GSE1: variants seen among roughly 807,000 people sequenced by gnomAD.
GSE1 encodes the protein genetic suppressor element 1.
GSE1 carries 32 observed loss-of-function variants against 112.6 expected under a neutral mutation model. That is an observed-to-expected ratio of 0.28 (90% CI 0.21 to 0.38). GSE1 has a LOEUF of 0.38. Among genes scored for constraint, GSE1 ranks in the 10% least tolerant of loss-of-function variants. The pLI is 1.00. For missense variants in GSE1, 2,348 were observed against 1,699.2 expected, an observed-to-expected ratio of 1.38 and a Z score of -6.71; for synonymous variants, 1,115 against 735.6, an observed-to-expected ratio of 1.52 and a Z score of -8.35.
chr16:85,533,138 C>T (rs1161276123), intron 2 of GSE1, among the ~76,000 whole-genome samples: 1 of 152,002 alleles, frequency 6.6e-6, no homozygotes, highest in Non-Finnish European at 1.5e-5. Flanking sequence ...TTTGGCCGGG[C>T]GTGGTGGCTC....
upstream of GSE1, chr16:85,554,846 G>T (rs943203616): frequency 3.0e-5 from 30 of 984,004 alleles, no homozygotes; most frequent in South Asian, 9.4e-5. Context: ...GCAGCCGGAG[G>T]GGGGGCCAGC....
At chr16:85,452,915 G>T (rs1042992651) in intron 2 of GSE1, among the ~76,000 whole-genome samples, 3 of 152,156 alleles carry the variant, frequency 2.0e-5, no homozygotes, top group Non-Finnish European at 4.4e-5. Context: ...GTCGCTCGGT[G>T]CCTCCAACCC....
chr16:85,254,482 C>G (rs909044143), intron 1 of GSE1, among the ~76,000 whole-genome samples: 1 of 152,202 alleles, frequency 6.6e-6, no homozygotes, highest in Non-Finnish European at 1.5e-5. Context: ...ATGACCCCCC[C>G]ACTCGGAGAG....
chr16:85,489,305 T>C (rs1361860749), intron 2 of GSE1, among the ~76,000 whole-genome samples: 2 of 151,892 alleles, frequency 1.3e-5, no homozygotes, highest in African/African-American at 4.8e-5. Context: ...GTGAGAATTT[T>C]CTGAGCAACG....
chr16:85,246,492 CT>C (rs1905827700), intron 1 of GSE1, among the ~76,000 whole-genome samples: 8 of 93,056 alleles, frequency 8.6e-5, no homozygotes, highest in Non-Finnish European at 1.2e-4. Flanking sequence ...CACACACACA[CT>C]CTACACACCC....
intron 13 of GSE1, among the ~76,000 whole-genome samples, chr16:85,667,679 C>T (rs1306819832): frequency 3.9e-5 from 6 of 152,148 alleles, no homozygotes; most frequent in African/African-American, 7.2e-5. Flanking sequence ...GCCAACATGG[C>T]GAAACCCTGT....
rs531301612 is a variant in GSE1 at position 85,556,195 on chromosome 16, C to A, written c.-132C>A. On this transcript the variant is annotated 5_prime_UTR_variant, in exon 1 of 3. Transcript: ENST00000635906. ...TTTCGTCGCTCTCGGGATCGCTCTTCTGCCTTTATTTTATTGTTTTGGACA... is the reference window on the plus strand; with the variant it reads ...TTTCGTCGCTCTCGGGATCGCTCTTATGCCTTTATTTTATTGTTTTGGACA... 4.0e-3 allele frequency: 3,914 copies of A among 982,144 alleles called. 10 individuals are homozygous for A. The highest frequency in any genetic ancestry group is 4.5e-3 in the Non-Finnish European group (3,712 of 827,824). 60.8% of individuals were successfully genotyped at this position (982,144 alleles called of 1,614,324 possible).
intron 1 of GSE1, among the ~76,000 whole-genome samples, chr16:85,227,348 C>G (rs1216540919): frequency 3.9e-5 from 6 of 152,218 alleles, no homozygotes; most frequent in African/African-American, 1.4e-4. Context: ...ACGCAGGCCT[C>G]TTCTCACGGA....
At chr16:85,644,179 C>G (rs955292036) in intron 2 of GSE1, among the ~76,000 whole-genome samples, 3 of 151,948 alleles carry the variant, frequency 2.0e-5, no homozygotes, top group South Asian at 4.2e-4. Flanking sequence ...AACAAACAAA[C>G]AAACAAAAAA....
chr16:85,502,076 G>A (rs1389680623), intron 2 of GSE1, among the ~76,000 whole-genome samples: 3 of 152,140 alleles, frequency 2.0e-5, no homozygotes, highest in East Asian at 1.9e-4. Flanking sequence ...AGGGGCACTC[G>A]ATGGGGGTCC....
intron 2 of GSE1, among the ~76,000 whole-genome samples, chr16:85,426,056 T>A (rs112891788): frequency 4.9e-5 from 7 of 144,014 alleles, no homozygotes; most frequent in South Asian, 4.6e-4. Flanking sequence ...GATGGATGGA[T>A]GGATGGATGG....
chr16:85,362,122 G>T (rs774069654), intron 2 of GSE1, among the ~76,000 whole-genome samples: 3 of 152,212 alleles, frequency 2.0e-5, no homozygotes, highest in Non-Finnish European at 4.4e-5. Context: ...CTGGGGCTGG[G>T]ATTCCTCTGG....
chr16:85,291,712 TG>T (rs1334634116), intron 1 of GSE1, among the ~76,000 whole-genome samples: 1 of 152,154 alleles, frequency 6.6e-6, no homozygotes, highest in Non-Finnish European at 1.5e-5. Context: ...GCCCTCACCC[TG>T]TGGGGGTTAG....
intron 1 of GSE1, among the ~76,000 whole-genome samples, chr16:85,220,880 C>G (rs1346013358): frequency 6.6e-6 from 1 of 151,970 alleles, no homozygotes; most frequent in East Asian, 1.9e-4. Flanking sequence ...GAAACCTTCC[C>G]AAATCGTGCC....
intron 2 of GSE1, among the ~76,000 whole-genome samples, chr16:85,642,018 C>T (rs914506832): frequency 3.3e-5 from 5 of 152,242 alleles, no homozygotes; most frequent in African/African-American, 1.2e-4. Context: ...GGACCTGCCC[C>T]GCCCTCCCTC....
chr16:85,613,216 T>C (rs1014087667), upstream of GSE1: 4 of 1,489,056 alleles, frequency 2.7e-6, no homozygotes, highest in Non-Finnish European at 1.8e-6. Flanking sequence ...TTTGGGTGTG[T>C]CCTCGGCGGC....
At chr16:85,508,539 A>G (rs2051620313) in intron 2 of GSE1, among the ~76,000 whole-genome samples, 1 of 152,120 alleles carries the variant, frequency 6.6e-6, no homozygotes, top group African/African-American at 2.4e-5. Context: ...GAGGTGGTTG[A>G]GCTTCAGCCT....
At chr16:85,491,856 G>A (rs751845015) in intron 2 of GSE1, among the ~76,000 whole-genome samples, 10 of 152,194 alleles carry the variant, frequency 6.6e-5, no homozygotes, top group Non-Finnish European at 4.4e-5. Context: ...CGCCCCTTGC[G>A]AGGTCAGCCA....
chr16:85,602,197 G>C (rs541101640), intron 1 of GSE1, among the ~76,000 whole-genome samples: 1 of 152,106 alleles, frequency 6.6e-6, no homozygotes, highest in Non-Finnish European at 1.5e-5. Flanking sequence ...TGCCAGGGCC[G>C]GGTTAGCAGC....
Sources: gnomAD v4.1 joint callset for allele counts (sites outside exome capture counted in the v4.1 genomes callset) on GRCh38, gnomAD v4.1.1 for gene constraint, MANE v1.5 for transcripts, NCBI Gene and HGNC (gene_info 2026-07-23, HGNC 2026-07-21) for gene names.